Variants in NUP214 observed in about 807,000 individuals in gnomAD.
The protein encoded by NUP214 is nucleoporin 214.
Under a neutral mutation model 196.2 loss-of-function variants are expected in NUP214, and 79 were observed. The observed-to-expected ratio is 0.40, with a 90% CI of 0.34 to 0.49. The LOEUF (loss-of-function observed/expected upper bound fraction) is 0.49. NUP214 is among the 20% of genes least tolerant of loss of function. The probability of loss-of-function intolerance (pLI) is 0.58; values close to 1 mark genes in which losing one functional copy is unlikely to be tolerated. For missense variants in NUP214, 2,468 were observed against 2,539.0 expected, an observed-to-expected ratio of 0.97 and a Z score of 0.60; for synonymous variants, 1,020 against 990.5, an observed-to-expected ratio of 1.03 and a Z score of -0.56.
Position 131,228,322 on chromosome 9 carries a change from G to C in NUP214, c.6065G>C (p.Gly2022Ala). The part of the protein sequence containing the change: ...FGEGTAAASA[G>A]GFGFGSSSNT... ...GAGGGCACTGCAGCTGCCAGCGCAG[G>C]AGGATTCGGGTAAGCCCCCTGGGGA... is the stretch of plus-strand genomic sequence containing the variant. Residue 2022 changes from glycine to alanine, a missense_variant, in exon 33 of 36, where the codon GGA becomes GCA. Physicochemically the swap from Gly to Ala is moderately conservative, Grantham distance 60 (BLOSUM62 0). Transcript: ENST00000359428. 1 of 1,588,768 alleles carries C rather than the reference G, an allele frequency of 6.3e-7. No individual in the cohort carries two copies. The highest frequency in any genetic ancestry group is 1.1e-5 in the South Asian group (1 of 87,718).
intron 23 of NUP214, among the ~76,000 whole-genome samples, chr9:131,176,024 A>T (rs79108935): frequency 0.022 from 3,400 of 152,160 alleles, 124 homozygotes; most frequent in African/African-American, 0.078. Flanking sequence ...TAGGTATTTG[A>T]ATGGCTATTT....
chr9:131,147,632 C>G (rs372483869), intron 14 of NUP214, 48 bp downstream of exon 14: 3 of 1,263,388 alleles, frequency 2.4e-6, no homozygotes, highest in Non-Finnish European at 2.3e-6. Flanking sequence ...AATTTACTGC[C>G]CCAAGCATAC....
In NUP214 at chr9:131,130,161, T is replaced by TTTTG. The variant is rs1554728091; in HGVS notation, c.593-605_593-604insTTTG. 9.5e-5 allele frequency among the ~76,000 whole-genome samples: 13 copies of TTTTG among 136,492 alleles called. 1 individual carries two copies. The highest frequency in any genetic ancestry group is 1.3e-4 in the Non-Finnish European group (8 of 62,630). The allele number at this position is 136,492 out of a possible 152,430, so 89.5% of individuals were successfully genotyped here. Reference sequence around the variant, plus strand: ...TGTTTTTTTTTTTTTGTTTTTTTTTTGAGACAGAGTCTTGCTCTGTCGCCC... The same window carrying TTTTG: ...TGTTTTTTTTTTTTTGTTTTTTTTTTTTTGGAGACAGAGTCTTGCTCTGTCGCCC... On this transcript the variant is annotated intron_variant, in intron 4 of 35. Transcript: ENST00000359428.
chr9:131,138,454 G>C (rs965040350), intron 9 of NUP214, among the ~76,000 whole-genome samples: 2 of 152,116 alleles, frequency 1.3e-5, no homozygotes, highest in African/African-American at 4.8e-5. Context: ...CTGACCCCAG[G>C]TGATCCACCT....
chr9:131,130,149 T>G (rs1426857361), intron 4 of NUP214, among the ~76,000 whole-genome samples: 1 of 108,636 alleles, frequency 9.2e-6, no homozygotes, highest in Non-Finnish European at 2.0e-5. Flanking sequence ...TTTTTTTTTT[T>G]TGTTTTTTTT....
At chr9:131,187,232 A>T (rs1241225187) in intron 24 of NUP214, 57 bp from the exon 25 acceptor site, 1 of 1,463,610 alleles carries the variant, frequency 6.8e-7, no homozygotes, top group African/African-American at 1.4e-5. Context: ...TTGAGAATGA[A>T]TGTGATTTTT....
intron 21 of NUP214, 116 bp from the exon 22 acceptor site, chr9:131,173,936 GTAA>G: frequency 7.7e-7 from 1 of 1,303,408 alleles, no homozygotes; most frequent in South Asian, 1.3e-5. Flanking sequence ...CTTAAAATAA[GTAA>G]TAATTAAATC....
intron 8 of NUP214, among the ~76,000 whole-genome samples, chr9:131,135,452 A>G (rs932219596): frequency 6.6e-6 from 1 of 152,086 alleles, no homozygotes; most frequent in Non-Finnish European, 1.5e-5. Context: ...ATGTCTTTCT[A>G]TTATTTCTGT....
chr9:131,145,901 C>G (rs1376125170), intron 12 of NUP214, among the ~76,000 whole-genome samples: 1 of 152,150 alleles, frequency 6.6e-6, no homozygotes, highest in Non-Finnish European at 1.5e-5. Context: ...GATATTTCCC[C>G]TGAATAATTA....
intron 30 of NUP214, among the ~76,000 whole-genome samples, chr9:131,211,113 G>T (rs1199591425): frequency 6.6e-6 from 1 of 152,178 alleles, no homozygotes; most frequent in African/African-American, 2.4e-5. Context: ...GGAATTCATG[G>T]TGAGTAGGAC....
chr9:131,133,333 C>G (rs10901353), intron 7 of NUP214, 124 bp downstream of exon 7: 126,296 of 550,010 alleles, frequency 0.23, 15,849 homozygotes, highest in East Asian at 0.4. Context: ...GAGACAAGAT[C>G]TCACTCTGTC....
At chr9:131,211,467 A>G (rs367792839) in intron 30 of NUP214, among the ~76,000 whole-genome samples, 1 of 152,156 alleles carries the variant, frequency 6.6e-6, no homozygotes, top group African/African-American at 2.4e-5. Flanking sequence ...AAAGCTGGTC[A>G]TTTGTCCTGT....
At chr9:131,199,095 A>C in intron 29 of NUP214, 80 bp downstream of exon 29, 1 of 1,487,406 alleles carries the variant, frequency 6.7e-7, no homozygotes, top group Non-Finnish European at 9.0e-7. Context: ...TTACTTTTGT[A>C]ATTAAAGGGG....
chr9:131,224,234 A>G (rs1397168448), intron 32 of NUP214, among the ~76,000 whole-genome samples: 1 of 152,192 alleles, frequency 6.6e-6, no homozygotes, highest in African/African-American at 2.4e-5. Context: ...TGTATGATGT[A>G]TTTATAACTA....
intron 17 of NUP214, among the ~76,000 whole-genome samples, chr9:131,153,833 T>C (rs948702509): frequency 4.6e-5 from 7 of 152,186 alleles, no homozygotes; most frequent in Non-Finnish European, 8.8e-5. Context: ...TTCATGCAGG[T>C]TTACAATTCA....
At chr9:131,173,555 C>T (rs1325533788) in intron 21 of NUP214, among the ~76,000 whole-genome samples, 1 of 150,940 alleles carries the variant, frequency 6.6e-6, no homozygotes, top group Non-Finnish European at 1.5e-5. Flanking sequence ...TTTTTTAAAC[C>T]TAATTGTCTG....
In NUP214 at chr9:131,128,474, C is replaced by T; in HGVS notation, c.384C>T (p.Phe128=). The change falls in exon 3 of 36, where the codon TTC becomes TTT. Residue 128 remains phenylalanine (F), a synonymous_variant. Transcript: ENST00000359428. ...SIIAFFDVRT[F]SNEAKQQKRP... is the part of the protein sequence containing the mutation. The stretch of plus-strand genomic sequence containing the variant: ...TTGCTTTTTTTGATGTTCGCACATT[C>T]TCAAATGAGGTAAGCTACTGTTATA... The T allele has an allele frequency of 6.2e-7, 1 of 1,612,166 alleles. No homozygotes were observed. The highest frequency in any genetic ancestry group is 1.1e-5 in the South Asian group (1 of 90,804).
chr9:131,142,274 GC>G (rs1335598899), intron 11 of NUP214, among the ~76,000 whole-genome samples: 2 of 152,218 alleles, frequency 1.3e-5, no homozygotes, highest in Non-Finnish European at 2.9e-5. Flanking sequence ...CTGAGCCTTT[GC>G]TACTAGCCCA....
In NUP214 at chr9:131,152,392, A is replaced by G. The variant is rs190718728; in HGVS notation, c.2436+498A>G. On this transcript the variant is annotated intron_variant, in intron 17 of 35. Coordinates refer to ENST00000359428, the MANE Select transcript of NUP214 (RefSeq NM_005085.4). ...TGCCTTGGCCTCCCAAAGTGCTGGA[A>G]TTACACGCGTGACTGGCCAAAATTT... 2.2e-3 allele frequency among the ~76,000 whole-genome samples: 341 copies of G among 152,294 alleles called. 4 individuals carry two copies. Among genetic ancestry groups the G allele is most frequent in the African/African-American group, 7.9e-3 (327 of 41,572 alleles).
Sources: allele counts gnomAD v4.1 joint callset (sites outside exome capture counted in the v4.1 genomes callset), GRCh38; gene constraint gnomAD v4.1.1; transcripts MANE v1.5; gene names NCBI Gene and HGNC (gene_info 2026-07-23, HGNC 2026-07-21).